Variants in ADGRL3 observed in about 807,000 individuals in gnomAD.
The protein encoded by ADGRL3 is calcium-independent alpha-latrotoxin receptor 3.
In ADGRL3, 62 loss-of-function variants were observed where a neutral mutation model predicts 153.5. The ratio of observed to expected loss-of-function variants is 0.40; its 90% CI spans 0.33 to 0.50. The LOEUF is 0.50. ADGRL3 is among the 20% of genes least tolerant of loss of function. ADGRL3 has a pLI of 0.47. For missense variants in ADGRL3, 1,641 were observed against 1,859.4 expected (o/e 0.88, Z 2.16); for synonymous variants, 710 against 672.5 (o/e 1.06, Z -0.86).
intron 9 of ADGRL3, among the ~76,000 whole-genome samples, chr4:61,846,970 G>GTA (rs1158617690): frequency 3.0e-5 from 4 of 133,572 alleles, no homozygotes; most frequent in Non-Finnish European, 4.9e-5. Context: ...GTGTGTGTGT[G>GTA]TATATATATG....
intron 2 of ADGRL3, among the ~76,000 whole-genome samples, chr4:61,393,893 A>C (rs1321135336): frequency 6.6e-6 from 1 of 152,144 alleles, no homozygotes; most frequent in East Asian, 1.9e-4. Context: ...TGGAGTAATA[A>C]TGTCATACCA....
At chr4:62,056,983 T>A (rs1159255284) in intron 25 of ADGRL3, among the ~76,000 whole-genome samples, 1 of 152,078 alleles carries the variant, frequency 6.6e-6, no homozygotes, top group East Asian at 1.9e-4. Flanking sequence ...TTCTAAAACT[T>A]TGGCCATTCA....
At chr4:61,209,744 T>C (rs971694917) in intron 1 of ADGRL3, among the ~76,000 whole-genome samples, 1 of 152,168 alleles carries the variant, frequency 6.6e-6, no homozygotes, top group African/African-American at 2.4e-5. Context: ...CCAAATACTG[T>C]GTCCGAAGAT....
At chr4:61,711,460 A>ATATATATATATATATG (rs2095983224) in intron 6 of ADGRL3, among the ~76,000 whole-genome samples, 1 of 27,510 alleles carries the variant, frequency 3.6e-5, no homozygotes, top group Admixed American at 4.9e-4. Context: ...ATGCTTCATT[A>ATATATATATATATATG]TATATATATA....
intron 8 of ADGRL3, among the ~76,000 whole-genome samples, chr4:61,747,759 T>G (rs1255539096): frequency 6.7e-6 from 1 of 150,042 alleles, no homozygotes; most frequent in Non-Finnish European, 1.5e-5. Flanking sequence ...TCATACTGAA[T>G]GGGCAAAAAC....
At chr4:61,539,163 G>T (rs975224982) in intron 4 of ADGRL3, among the ~76,000 whole-genome samples, 1 of 152,164 alleles carries the variant, frequency 6.6e-6, no homozygotes, top group Admixed American at 6.5e-5. Flanking sequence ...TGTAGGGAGG[G>T]AAAGATGGGC....
At chr4:61,415,207 A>T (rs1341828090) in intron 2 of ADGRL3, among the ~76,000 whole-genome samples, 1 of 151,950 alleles carries the variant, frequency 6.6e-6, no homozygotes, top group South Asian at 2.1e-4. Context: ...ACCTCAGCTG[A>T]GATACTACTA....
chr4:61,749,310 C>T (rs1013477594), intron 8 of ADGRL3, among the ~76,000 whole-genome samples: 4 of 151,948 alleles, frequency 2.6e-5, no homozygotes, highest in Non-Finnish European at 4.4e-5. Context: ...GGCGATTCCT[C>T]AGGGATCTAG....
intron 1 of ADGRL3, among the ~76,000 whole-genome samples, chr4:61,254,979 A>G (rs1280825776): frequency 1.3e-5 from 2 of 152,018 alleles, no homozygotes; most frequent in Non-Finnish European, 2.9e-5. Flanking sequence ...AAGTAATTTC[A>G]TAATATGACA....
At chr4:61,792,797 C>T (rs185260574) in intron 8 of ADGRL3, among the ~76,000 whole-genome samples, 11 of 152,022 alleles carry the variant, frequency 7.2e-5, no homozygotes, top group African/African-American at 2.6e-4. Context: ...CACTTTCCCA[C>T]ATTTTTAAAT....
At chr4:61,945,902 C>G (rs1257342342) in intron 15 of ADGRL3, among the ~76,000 whole-genome samples, 3 of 152,284 alleles carry the variant, frequency 2.0e-5, no homozygotes, top group South Asian at 2.1e-4. Context: ...TCTTCTGCGT[C>G]GCTCACGCTG....
At chr4:61,713,900 A>G (rs1348404444) in intron 6 of ADGRL3, among the ~76,000 whole-genome samples, 1 of 152,178 alleles carries the variant, frequency 6.6e-6, no homozygotes, top group Non-Finnish European at 1.5e-5. Context: ...CCCAATCATC[A>G]GGTGTATCTA....
chr4:61,409,131 T>C (rs1179191478), intron 2 of ADGRL3, among the ~76,000 whole-genome samples: 1 of 148,396 alleles, frequency 6.7e-6, no homozygotes, highest in Non-Finnish European at 1.5e-5. Context: ...AGATATGCTT[T>C]GAGGACAAGA....
At chr4:61,915,091 G>A (rs1341063017) in intron 13 of ADGRL3, among the ~76,000 whole-genome samples, 1 of 151,764 alleles carries the variant, frequency 6.6e-6, no homozygotes, top group Non-Finnish European at 1.5e-5. Flanking sequence ...AAAAGGAAAA[G>A]GAGAATTTCA....
intron 19 of ADGRL3, among the ~76,000 whole-genome samples, chr4:61,994,912 TTTTC>T (rs1459916097): frequency 2.0e-5 from 3 of 151,558 alleles, no homozygotes; most frequent in Admixed American, 1.3e-4. Flanking sequence ...TCAACTTTGG[TTTTC>T]TTTTTTTTTT....
chr4:61,239,000 T>G (rs906634433), intron 1 of ADGRL3, among the ~76,000 whole-genome samples: 6 of 152,168 alleles, frequency 3.9e-5, no homozygotes, highest in African/African-American at 1.4e-4. Context: ...GTGGGCATTA[T>G]GTAAGTTTCT....
chr4:61,851,728 A>C (rs1196131042), intron 9 of ADGRL3, among the ~76,000 whole-genome samples: 1 of 151,766 alleles, frequency 6.6e-6, no homozygotes, highest in Non-Finnish European at 1.5e-5. Flanking sequence ...GTTTCCTAAA[A>C]GTAGATTTTA....
Position 61,996,376 on chromosome 4 carries a change from CTA to C in ADGRL3, c.3303+21_3303+22del, listed in dbSNP as rs1387837516. 5 of 1,540,180 alleles carry C rather than the reference CTA, an allele frequency of 3.2e-6. No individual in the cohort carries two copies. Among genetic ancestry groups the C allele is most frequent in the Non-Finnish European group, 4.5e-6 (5 of 1,113,012 alleles). On this transcript the variant is annotated intron_variant, in intron 20 of 26. Transcript: ENST00000683033. ...AATTATGGTAAGAATTCCTAATTAA[CTA>C]TGTGTTTCCCAGATCAAGAAGTAAA...
intron 23 of ADGRL3, among the ~76,000 whole-genome samples, chr4:62,035,814 C>T (rs1724667631): frequency 6.6e-6 from 1 of 152,222 alleles, no homozygotes; most frequent in African/African-American, 2.4e-5. Flanking sequence ...AGGCACATCG[C>T]TTGACTTTTC....
Sources: gnomAD v4.1 joint callset for allele counts (sites outside exome capture counted in the v4.1 genomes callset) on GRCh38, gnomAD v4.1.1 for gene constraint, MANE v1.5 for transcripts, NCBI Gene and HGNC (gene_info 2026-07-23, HGNC 2026-07-21) for gene names.